The following ZNF407 variants were observed in gnomAD, a reference collection of about 807,000 sequenced individuals.
ZNF407 encodes the protein zinc finger protein 407.
ZNF407 carries 17 observed loss-of-function variants against 131.2 expected under a neutral mutation model. The observed-to-expected ratio is 0.13, with a 90% CI of 0.09 to 0.19. The LOEUF is 0.19. Ranked by LOEUF, ZNF407 falls within the 10% of genes least tolerant of loss-of-function variation. The pLI is 1.00. For synonymous variants in ZNF407, 1,156 were observed against 1,062.0 expected (o/e 1.09, Z -1.72); for missense variants, 2,681 against 2,830.6 (o/e 0.95, Z 1.20).
chr18:74,930,097 C>T (rs1330191391), intron 8 of ZNF407, among the ~76,000 whole-genome samples: 2 of 152,202 alleles, frequency 1.3e-5, no homozygotes, highest in Non-Finnish European at 2.9e-5. Context: ...CCTTCATTCC[C>T]AGAATTCAGC....
chr18:74,843,271 AT>A (rs1488994790), intron 4 of ZNF407, among the ~76,000 whole-genome samples: 4 of 152,152 alleles, frequency 2.6e-5, no homozygotes, highest in Non-Finnish European at 4.4e-5. Flanking sequence ...TAAACCAAAT[AT>A]TTATATAAAT....
intron 5 of ZNF407, among the ~76,000 whole-genome samples, chr18:74,877,692 C>A (rs529343445): frequency 6.6e-6 from 1 of 152,150 alleles, no homozygotes; most frequent in Non-Finnish European, 1.5e-5. Context: ...TATAGAAGGT[C>A]ATATGGAGAG....
At position 74,699,599 on chromosome 18, in the gene ZNF407, C is replaced by T. The variant is rs369133224; in HGVS notation, c.4802+58477C>T. Among the ~76,000 whole-genome samples the T allele has an allele frequency of 1.2e-4, 18 of 152,178 alleles. 2 individuals are homozygous for T. In the South Asian group the frequency reaches 3.7e-3, roughly 32 times the overall value. Reference sequence around the variant, plus strand: ...ATTAGGGAGGTACACAAGGATGAGGCGAGCTACTCCAGTGAGTATTTTACA... The same window carrying T: ...ATTAGGGAGGTACACAAGGATGAGGTGAGCTACTCCAGTGAGTATTTTACA... On this transcript the variant is annotated intron_variant, in intron 3 of 8. Coordinates refer to ENST00000299687, the MANE Select transcript of ZNF407 (RefSeq NM_017757.3).
intron 3 of ZNF407, among the ~76,000 whole-genome samples, chr18:74,665,486 A>G (rs891844614): frequency 2.6e-5 from 4 of 152,210 alleles, no homozygotes; most frequent in Admixed American, 1.3e-4. Flanking sequence ...ACTTTGGATT[A>G]CAGTTCATTG....
chr18:74,947,946 C>T (rs1972172033), intron 8 of ZNF407, among the ~76,000 whole-genome samples: 1 of 152,226 alleles, frequency 6.6e-6, no homozygotes, highest in Admixed American at 6.5e-5. Context: ...TGTAAATTCA[C>T]ACCTTCAAAA....
intron 4 of ZNF407, among the ~76,000 whole-genome samples, chr18:74,869,862 TAC>T (rs1423409493): frequency 3.3e-5 from 5 of 152,236 alleles, no homozygotes; most frequent in African/African-American, 1.2e-4. Context: ...TCTGGTCCTT[TAC>T]ACAGTTTCCT....
At chr18:74,967,878 A>G (rs1972426930) in intron 8 of ZNF407, among the ~76,000 whole-genome samples, 1 of 152,210 alleles carries the variant, frequency 6.6e-6, no homozygotes, top group Non-Finnish European at 1.5e-5. Flanking sequence ...TTTCCACTAT[A>G]CTGCAGACCT....
intron 8 of ZNF407, among the ~76,000 whole-genome samples, chr18:74,993,567 A>T (rs1486473116): frequency 1.3e-5 from 2 of 152,202 alleles, no homozygotes; most frequent in African/African-American, 4.8e-5. Context: ...GGGTGAGTAG[A>T]TGTGTCAAAA....
intron 3 of ZNF407, among the ~76,000 whole-genome samples, chr18:74,689,214 C>T (rs944824510): frequency 3.3e-5 from 5 of 152,098 alleles, no homozygotes; most frequent in African/African-American, 7.2e-5. Flanking sequence ...ATACTTTGTT[C>T]GATTTAAGTG....
rs370645081 is a variant in ZNF407, at chr18:75,064,419, C to T, written c.6698C>T (p.Ala2233Val). Residue 2233 changes from alanine (A) to valine (V), a missense_variant, in exon 9 of 9, where the codon GCG becomes GTG. Transcript: ENST00000299687. ...TACACCCAGGAGGGCTCCTCGGCCG[C>T]GGCGGCAATTCAGAGCCAAAGAGAA... ...VIYTQEGSSA[A>V]AAIQSQRESS... 175 of 1,523,590 alleles carry T rather than the reference C, an allele frequency of 1.1e-4. No homozygotes were observed. Among genetic ancestry groups the T allele is most frequent in the African/African-American group, 9.4e-4 (68 of 72,088 alleles). The allele number at this position is 1,523,590 out of a possible 1,614,324, so 94.4% of individuals were successfully genotyped here.
chr18:75,024,500 C>T (rs1382155149), intron 8 of ZNF407, among the ~76,000 whole-genome samples: 2 of 152,120 alleles, frequency 1.3e-5, no homozygotes, highest in East Asian at 1.9e-4. Flanking sequence ...ACCTATTAAC[C>T]GTGTTCATTT....
intron 4 of ZNF407, among the ~76,000 whole-genome samples, chr18:74,872,104 A>C (rs1971095095): frequency 6.6e-6 from 1 of 151,982 alleles, no homozygotes. Context: ...TTCTTTTTAG[A>C]AACAAAATTT....
chr18:74,939,994 T>C (rs1158627055), intron 8 of ZNF407, among the ~76,000 whole-genome samples: 1 of 152,172 alleles, frequency 6.6e-6, no homozygotes, highest in East Asian at 1.9e-4. Context: ...AAACCTTTCT[T>C]GGTCATGGAT....
chr18:74,742,311 G>A (rs370332423), intron 3 of ZNF407, among the ~76,000 whole-genome samples: 22 of 152,206 alleles, frequency 1.4e-4, no homozygotes, highest in African/African-American at 2.4e-4. Flanking sequence ...AGAGAATACC[G>A]CTTAGAAATT....
chr18:74,812,976 A>G (rs1970218258), intron 4 of ZNF407, among the ~76,000 whole-genome samples: 1 of 152,102 alleles, frequency 6.6e-6, no homozygotes, highest in South Asian at 2.1e-4. Context: ...TTTTTCATCA[A>G]TTTCTTGTCC....
In ZNF407 at chr18:74,910,784, T is replaced by A. The variant is rs565863023; in HGVS notation, c.5250-9730T>A. 1.7e-3 allele frequency among the ~76,000 whole-genome samples: 259 copies of A among 152,332 alleles called. 2 individuals carry two copies. In the Middle Eastern group the frequency reaches 0.027, roughly 16 times the overall value. ...GTGCTTCACTTGCATTTGTCTTTCT[T>A]GTCTTTGGCTGTCTGTTTAGTCTCT... On this transcript the variant is annotated intron_variant, in intron 7 of 8. Coordinates refer to ENST00000299687, the MANE Select transcript of ZNF407 (RefSeq NM_017757.3).
chr18:75,042,590 G>A (rs944606802), intron 8 of ZNF407, among the ~76,000 whole-genome samples: 1 of 152,126 alleles, frequency 6.6e-6, no homozygotes, highest in African/African-American at 2.4e-5. Flanking sequence ...TTTTCTAAAT[G>A]GAGATTTAAT....
At chr18:74,888,438 TA>T (rs1274364736) in intron 6 of ZNF407, among the ~76,000 whole-genome samples, 15 of 152,162 alleles carry the variant, frequency 9.9e-5, no homozygotes, top group Admixed American at 2.0e-4. Flanking sequence ...AATGTAACAT[TA>T]TTAACAATAT....
At position 74,634,597 on chromosome 18, in the gene ZNF407, G is replaced by T. The variant is rs1316189734; in HGVS notation, c.3578G>T (p.Gly1193Val). The T allele has an allele frequency of 1.2e-6, 2 of 1,613,860 alleles. No individual in the cohort carries two copies. The highest frequency in any genetic ancestry group is 1.3e-5 in the African/African-American group (1 of 75,008). Residue 1193 changes from glycine to valine, a missense_variant, in exon 2 of 9, where the codon GGC becomes GTC. Coordinates refer to ENST00000299687, the MANE Select transcript of ZNF407 (RefSeq NM_017757.3). The stretch of plus-strand genomic sequence containing the variant: ...TCACTTACTATGTCCTCAAACTATG[G>T]CTCCCCAAGCAGATTTCAAAATGAA... ...MMSLTMSSNY[G>V]SPSRFQNENS... is the part of the protein sequence containing the mutation.
Sources: gnomAD v4.1 joint callset for allele counts (sites outside exome capture counted in the v4.1 genomes callset) on GRCh38, gnomAD v4.1.1 for gene constraint, MANE v1.5 for transcripts, NCBI Gene and HGNC (gene_info 2026-07-23, HGNC 2026-07-21) for gene names.